Variants in ACOX3 observed in about 807,000 individuals in gnomAD.
ACOX3 encodes the protein acyl-CoA oxidase 3, pristanoyl.
In ACOX3, 73 loss-of-function variants were observed where a neutral mutation model predicts 81.5. The ratio of observed to expected loss-of-function variants is 0.90; its 90% CI spans 0.74 to 1.09. ACOX3 has a LOEUF of 1.09. Among genes scored for constraint, ACOX3 ranks in the 50% least tolerant of loss-of-function variants. The pLI is 0.00. For synonymous variants in ACOX3, 387 were observed against 375.1 expected (o/e 1.03, Z -0.37); for missense variants, 947 against 928.0 (o/e 1.02, Z -0.27).
In ACOX3 at chr4:8,420,648, G is replaced by A. The variant is rs115298557; in HGVS notation, c.-14-4113C>T. Reference sequence around the variant, plus strand: ...GGCAACGCCCTTTGGGTACCCCCCCGTTGAATGGGAGCTCTGTTTTCACTC... The same window carrying A: ...GGCAACGCCCTTTGGGTACCCCCCCATTGAATGGGAGCTCTGTTTTCACTC... On this transcript the variant is annotated intron_variant, in intron 1 of 17. Coordinates refer to ENST00000356406, the MANE Select transcript of ACOX3 (RefSeq NM_003501.3). Among the ~76,000 whole-genome samples the A allele has an allele frequency of 2.8e-3, 423 of 152,314 alleles. 5 individuals are homozygous for A. Among genetic ancestry groups the A allele is most frequent in the African/African-American group, 9.5e-3 (393 of 41,574 alleles).
At chr4:8,412,047 C>T (rs1446645378) in intron 5 of ACOX3, among the ~76,000 whole-genome samples, 1 of 152,210 alleles carries the variant, frequency 6.6e-6, no homozygotes, top group African/African-American at 2.4e-5. Flanking sequence ...CCAAGGCTAC[C>T]TGGGTGCTGT....
chr4:8,421,720 T>G (rs770229670), intron 1 of ACOX3, among the ~76,000 whole-genome samples: 1 of 152,156 alleles, frequency 6.6e-6, no homozygotes, highest in Non-Finnish European at 1.5e-5. Context: ...GCACCTAGGG[T>G]ATGAACCCAG....
At position 8,416,134 on chromosome 4, in the gene ACOX3, A is replaced by G. The variant is rs1469856039; in HGVS notation, c.145-135T>C. On this transcript the variant is annotated intron_variant, in intron 2 of 17. Transcript: ENST00000356406. This position sits in a 1 kb window ranked among gnomAD's most constrained non-coding sequence, Gnocchi z 4.2. ...CCGGAGACACCCAGACAGAGATATG[A>G]CTATCATTCCCAATGGACTAGAGGA... is the stretch of plus-strand genomic sequence containing the variant. 3.9e-6 allele frequency: 4 copies of G among 1,016,670 alleles called. No homozygotes were observed. The African/African-American group carries it at 6.5e-5, about 16-fold the overall frequency. 63.0% of individuals were successfully genotyped at this position (1,016,670 alleles called of 1,614,324 possible). A position where few individuals can be genotyped will look rare whatever the true frequency, so the allele number is the denominator to read the frequency against.
At chr4:8,435,262 G>A (rs947246218) in intron 1 of ACOX3, among the ~76,000 whole-genome samples, 2 of 152,162 alleles carry the variant, frequency 1.3e-5, no homozygotes, top group South Asian at 2.1e-4. Context: ...AGGCCGAGGC[G>A]GGCAGATCAC....
At chr4:8,363,654 C>A (rs1715277825), downstream of ACOX3, among the ~76,000 whole-genome samples, 1 of 152,150 alleles carries the variant, frequency 6.6e-6, no homozygotes, top group Non-Finnish European at 1.5e-5. Flanking sequence ...ACCTACTGGG[C>A]TGCATTCCCA....
chr4:8,373,452 G>A lies in ACOX3; in HGVS notation c.1896+109C>T, dbSNP rs563542663. 4.2e-4 allele frequency: 499 copies of A among 1,181,256 alleles called. 3 individuals carry two copies. The African/African-American group carries it at 6.7e-3, about 16-fold the overall frequency. The allele number at this position is 1,181,256 out of a possible 1,614,324, so 73.2% of individuals were successfully genotyped here. ...GCTAAGGGGGTGCGTGTCAGTCTGG[G>A]TGATACTAAGGCGGTGCGTGTCGGT... On this transcript the variant is annotated intron_variant, in intron 16 of 17. Transcript: ENST00000356406.
At chr4:8,435,757 A>C (rs535977042) in intron 1 of ACOX3, among the ~76,000 whole-genome samples, 1 of 152,358 alleles carries the variant, frequency 6.6e-6, no homozygotes, top group Admixed American at 6.5e-5. Context: ...CAGCAGACAC[A>C]GAGTTGAAAA....
chr4:8,437,517 CAGG>C lies in ACOX3; in HGVS notation c.-15+3128_-15+3130del, dbSNP rs35463364. Among the ~76,000 whole-genome samples, 1,374 of 152,268 alleles carry C rather than the reference CAGG, an allele frequency of 9.0e-3. 29 individuals carry two copies. The highest frequency in any genetic ancestry group is 0.031 in the African/African-American group (1,281 of 41,540). ...TGGCCCCGCCAGGTGGCCATAGAAG[CAGG>C]AGAACTCAGGAAGGAAAAAGAAAAA... is the stretch of plus-strand genomic sequence containing the variant. On this transcript the variant is annotated intron_variant, in intron 1 of 17. Coordinates refer to ENST00000356406, the MANE Select transcript of ACOX3 (RefSeq NM_003501.3). The surrounding 1 kb of genome is among the most constrained non-coding windows in gnomAD (Gnocchi z 5.2).
chr4:8,411,276 A>G (rs756927718), intron 5 of ACOX3, among the ~76,000 whole-genome samples: 1 of 152,194 alleles, frequency 6.6e-6, no homozygotes, highest in African/African-American at 2.4e-5. Flanking sequence ...TGTCGTGGCT[A>G]AGTTTTGGTT....
At position 8,433,836 on chromosome 4, in the gene ACOX3, A is replaced by G. The variant is rs377084506; in HGVS notation, c.-15+6812T>C. The stretch of plus-strand genomic sequence containing the variant: ...GAGATTCTGCAGACCAGCTGCTGAT[A>G]ATGTTGGGCTAAATTGGCAGTATCC... On this transcript the variant is annotated intron_variant, in intron 1 of 17. Coordinates refer to ENST00000356406, the MANE Select transcript of ACOX3 (RefSeq NM_003501.3). Among the ~76,000 whole-genome samples, 30 of 152,296 alleles carry G rather than the reference A, an allele frequency of 2.0e-4. No homozygotes were observed. The East Asian group carries it at 2.9e-3, about 15-fold the overall frequency.
intron 1 of ACOX3, chr4:8,439,069 T>C (rs1724428512): frequency 6.6e-6 from 1 of 152,224 alleles, no homozygotes; most frequent in South Asian, 2.1e-4. Context: ...ATCTTAAGAC[T>C]AATAGTTTTC....
At position 8,370,885 on chromosome 4, in the gene ACOX3, G is replaced by A. The variant is rs773977687; in HGVS notation, c.1983+23C>T. On this transcript the variant is annotated intron_variant, in intron 17 of 17. Transcript: ENST00000356406. This position sits in a 1 kb window ranked among gnomAD's most constrained non-coding sequence, Gnocchi z 6.3. The stretch of plus-strand genomic sequence containing the variant: ...GCCCATCAACCCTTGGGGCACTCCC[G>A]TGAGGCCCTGTCCTCCCTTTACCTC... 15 of 1,608,822 alleles carry A rather than the reference G, an allele frequency of 9.3e-6. No homozygotes were observed. Among genetic ancestry groups the A allele is most frequent in the African/African-American group, 4.0e-5 (3 of 74,852 alleles).
Position 8,399,489 on chromosome 4 carries a change from A to C in ACOX3, c.873+67T>G, listed in dbSNP as rs1278720091. 1 of 1,373,730 alleles carries C rather than the reference A, an allele frequency of 7.3e-7. No homozygotes were observed. Among genetic ancestry groups the C allele is most frequent in the East Asian group, 2.3e-5 (1 of 43,238 alleles). 85.1% of individuals were successfully genotyped at this position (1,373,730 alleles called of 1,614,324 possible). A position where few individuals can be genotyped will look rare whatever the true frequency, so the allele number is the denominator to read the frequency against. ...CCTTTCCAGGTGCAGGGAGGAGCAC[A>C]GAGCCAGGCCCTGCAGAGGAAGGCA... On this transcript the variant is annotated intron_variant, in intron 8 of 17. Coordinates refer to ENST00000356406, the MANE Select transcript of ACOX3 (RefSeq NM_003501.3). The surrounding 1 kb of genome is among the most constrained non-coding windows in gnomAD (Gnocchi z 4.9).
intron 7 of ACOX3, among the ~76,000 whole-genome samples, chr4:8,401,128 G>C (rs1174634798): frequency 6.6e-6 from 1 of 152,110 alleles, no homozygotes; most frequent in African/African-American, 2.4e-5. Context: ...TGCCGCCACC[G>C]ATCTGACAGG....
At chr4:8,403,493 G>A (rs1353990438) in intron 7 of ACOX3, among the ~76,000 whole-genome samples, 2 of 152,186 alleles carry the variant, frequency 1.3e-5, no homozygotes, top group Non-Finnish European at 2.9e-5. Flanking sequence ...GATCAAAGAT[G>A]GACGAATCCC....
At chr4:8,378,348 T>G (rs1240617998) in intron 14 of ACOX3, among the ~76,000 whole-genome samples, 1 of 152,158 alleles carries the variant, frequency 6.6e-6, no homozygotes. Context: ...ACTCCCAAAG[T>G]AGACAACGTG....
At position 8,367,059 on chromosome 4, in the gene ACOX3, C is replaced by T. The variant is rs771356481; in HGVS notation, c.2005G>A (p.Ala669Thr). 20 of 1,613,978 alleles carry T rather than the reference C, an allele frequency of 1.2e-5. No individual in the cohort carries two copies. Among genetic ancestry groups the T allele is most frequent in the South Asian group, 6.6e-5 (6 of 91,082 alleles). The part of the protein sequence containing the change: ...DGELYKNLWG[A>T]VLQESKVLER... ...AACACCTTGCTTTCCTGCAGGACAG[C>T]GCCCCAGAGGTTTTTGTAGAGCTGC... Residue 669 changes from alanine (A) to threonine (T), a missense_variant, in exon 18 of 18, where the codon GCT becomes ACT. Ala to Thr is a moderately conservative substitution (Grantham distance 58). Transcript: ENST00000356406.
chr4:8,398,663 A>T (rs1229632532), intron 8 of ACOX3, among the ~76,000 whole-genome samples: 1 of 151,932 alleles, frequency 6.6e-6, no homozygotes, highest in Non-Finnish European at 1.5e-5. Flanking sequence ...TTTAGTAGAG[A>T]CGGGGTTTTG....
the ACOX3 span, among the ~76,000 whole-genome samples, chr4:8,360,658 G>C: frequency 6.6e-6 from 1 of 152,080 alleles, no homozygotes. Context: ...ATTTTTAGTA[G>C]ATACAGGGTT....
Sources: gnomAD v4.1 joint callset for allele counts (sites outside exome capture counted in the v4.1 genomes callset) on GRCh38, gnomAD v4.1.1 for gene constraint, Gnocchi (gnomAD v3.1) non-coding constraint, MANE v1.5 for transcripts, NCBI Gene and HGNC (gene_info 2026-07-23, HGNC 2026-07-21) for gene names.